LRCH1: variants seen among roughly 807,000 people sequenced by gnomAD.
The protein encoded by LRCH1 is leucine rich repeats and calponin homology domain containing 1, also known as leucine-rich repeat and calponin homology domain-containing protein 1.
In LRCH1, 23 loss-of-function variants were observed where a neutral mutation model predicts 94.9. That is an observed-to-expected ratio of 0.24 (90% confidence interval 0.17 to 0.34). The LOEUF (loss-of-function observed/expected upper bound fraction) is 0.34. Among genes scored for constraint, LRCH1 ranks in the 10% least tolerant of loss-of-function variants. LRCH1 has a pLI of 1.00. For missense variants in LRCH1, 790 were observed against 945.9 expected (o/e 0.84, Z 2.16); for synonymous variants, 364 against 354.9 (o/e 1.03, Z -0.29).
chr13:46,579,338 G>A (rs553848768), intron 1 of LRCH1, among the ~76,000 whole-genome samples: 5 of 152,194 alleles, frequency 3.3e-5, no homozygotes, highest in South Asian at 2.1e-4. Context: ...GATATTAGTC[G>A]TTATGAAAAG....
intron 3 of LRCH1, chr13:46,679,819 T>C (rs567133985): frequency 1.1e-4 from 16 of 152,362 alleles, no homozygotes; most frequent in African/African-American, 3.6e-4. Context: ...TTAGCAAGAG[T>C]GATACTGTTC....
intron 1 of LRCH1, among the ~76,000 whole-genome samples, chr13:46,592,060 C>T (rs1123028): frequency 0.78 from 119,192 of 152,132 alleles, 46,868 homozygotes; most frequent in East Asian, 0.91. Flanking sequence ...CAACGCATTC[C>T]GTAGCTCAAG....
chr13:46,616,424 C>G (rs1376639818), intron 1 of LRCH1, among the ~76,000 whole-genome samples: 1 of 152,196 alleles, frequency 6.6e-6, no homozygotes, highest in African/African-American at 2.4e-5. Context: ...CACCCCCAAC[C>G]CAGTCTTTGG....
intron 3 of LRCH1, among the ~76,000 whole-genome samples, chr13:46,678,678 C>T (rs2051709728): frequency 6.6e-6 from 1 of 152,226 alleles, no homozygotes; most frequent in Admixed American, 6.5e-5. Flanking sequence ...GTAAATTGAC[C>T]ATTTTCCCTA....
At chr13:46,607,877 A>T (rs140421689) in intron 1 of LRCH1, among the ~76,000 whole-genome samples, 34 of 152,292 alleles carry the variant, frequency 2.2e-4, no homozygotes, top group African/African-American at 7.9e-4. Context: ...GCTCCTGGGA[A>T]GGATCTGCAA....
At chr13:46,683,280 G>T (rs1870435401) in intron 4 of LRCH1, among the ~76,000 whole-genome samples, 1 of 152,170 alleles carries the variant, frequency 6.6e-6, no homozygotes, top group Admixed American at 6.5e-5. Context: ...TTTGCAAAAG[G>T]TAATGTGCTT....
rs9595508 is a variant in LRCH1, at chr13:46,668,834, T to A, written c.453-196T>A. ...TTATTTTTTATTTTTTATTTTTTTT[T>A]AAAAAAAGAAAAACATATTTTGTTT... On this transcript the variant is annotated intron_variant, in intron 2 of 19. Transcript: ENST00000389797. Among the ~76,000 whole-genome samples, 5,681 of 150,666 alleles carry A rather than the reference T, an allele frequency of 0.038. 177 individuals carry two copies. The highest frequency in any genetic ancestry group is 0.082 in the African/African-American group (3,344 of 40,934).
Position 46,728,908 on chromosome 13 carries a change from G to T in LRCH1, c.1931G>T (p.Gly644Val), listed in dbSNP as rs188178133. ...HEDLGAALMD[G>V]VVLCHLVNHI... ...GACCTGGGGGCAGCCCTCATGGATG[G>T]TGTCGTCCTCTGCCATCTGGTCAAC... Residue 644 changes from glycine to valine, a missense_variant, in exon 18 of 20, where the codon GGT (glycine) becomes GTT (valine). Around this residue, in one of 3 missense-constraint regions of LRCH1, gnomAD observed 460 missense variants for 508.9 expected, o/e 0.90. Transcript: ENST00000389797. 6.2e-7 allele frequency: 1 copy of T among 1,613,766 alleles called. No individual in the cohort carries two copies. Among genetic ancestry groups the T allele is most frequent in the Non-Finnish European group, 8.5e-7 (1 of 1,179,820 alleles).
chr13:46,747,494 C>A (rs1257906043), downstream of LRCH1, among the ~76,000 whole-genome samples: 1 of 152,226 alleles, frequency 6.6e-6, no homozygotes, highest in Non-Finnish European at 1.5e-5. Context: ...GGACACCTTG[C>A]TCCATATAAG....
At chr13:46,600,876 G>T (rs1202755917) in intron 1 of LRCH1, among the ~76,000 whole-genome samples, 1 of 152,162 alleles carries the variant, frequency 6.6e-6, no homozygotes, top group Admixed American at 6.5e-5. Flanking sequence ...ATGGCCTATT[G>T]CTATGATTCT....
intron 16 of LRCH1, among the ~76,000 whole-genome samples, chr13:46,718,641 T>C (rs1872444553): frequency 6.6e-6 from 1 of 152,214 alleles, no homozygotes; most frequent in South Asian, 2.1e-4. Flanking sequence ...ACACCGAATG[T>C]GTCCAGTTCA....
At chr13:46,737,220 T>C (rs561861809) in intron 19 of LRCH1, among the ~76,000 whole-genome samples, 94 of 151,906 alleles carry the variant, frequency 6.2e-4, no homozygotes, top group African/African-American at 2.2e-3. Flanking sequence ...ACTGAATAAA[T>C]AGTAAAGGTT....
At chr13:46,747,685 G>A (rs1873965840), downstream of LRCH1, among the ~76,000 whole-genome samples, 1 of 151,466 alleles carries the variant, frequency 6.6e-6, no homozygotes, top group Non-Finnish European at 1.5e-5. Context: ...CTGTTGATTT[G>A]TTAGTGTTTT....
intron 15 of LRCH1, among the ~76,000 whole-genome samples, chr13:46,715,079 T>C (rs2138204921): frequency 6.6e-6 from 1 of 152,354 alleles, no homozygotes; most frequent in East Asian, 1.9e-4. Context: ...GATGATTCTA[T>C]AATAGTTTTA....
At chr13:46,750,991 A>G (rs1874107942) in exon 19 of LRCH1, 1 of 173,892 alleles carries the variant, frequency 5.8e-6, no homozygotes, top group South Asian at 1.9e-4. Flanking sequence ...AGCAAGACGC[A>G]TTCGTTTTAT....
At chr13:46,700,587 T>G (rs1180860712) in intron 10 of LRCH1, among the ~76,000 whole-genome samples, 1 of 152,234 alleles carries the variant, frequency 6.6e-6, no homozygotes, top group Non-Finnish European at 1.5e-5. Flanking sequence ...TATAAAATGC[T>G]GAACTCCTAG....
intron 1 of LRCH1, among the ~76,000 whole-genome samples, chr13:46,581,059 A>C (rs567810555): frequency 6.6e-6 from 1 of 152,334 alleles, no homozygotes; most frequent in Admixed American, 6.5e-5. Flanking sequence ...CTGCCTCACC[A>C]ATGGATCTAG....
At chr13:46,597,749 G>C (rs2050580838) in intron 1 of LRCH1, among the ~76,000 whole-genome samples, 1 of 152,146 alleles carries the variant, frequency 6.6e-6, no homozygotes, top group African/African-American at 2.4e-5. Flanking sequence ...ATGGGCTTTA[G>C]TGCTGTTGGC....
intron 18 of LRCH1, among the ~76,000 whole-genome samples, chr13:46,731,277 G>A (rs573803006): frequency 3.3e-5 from 5 of 151,890 alleles, no homozygotes; most frequent in South Asian, 2.1e-4. Context: ...CTCCTCTGTC[G>A]CCCAGGCAGG....
Sources: allele counts gnomAD v4.1 joint callset (sites outside exome capture counted in the v4.1 genomes callset), GRCh38; gene constraint gnomAD v4.1.1; regional missense constraint gnomAD v4.1.1; transcripts MANE v1.5; gene names NCBI Gene and HGNC (gene_info 2026-07-23, HGNC 2026-07-21).